Variants in SMARCA4 observed in about 807,000 individuals in gnomAD.
SMARCA4 encodes SWI/SNF-related matrix-associated actin-dependent regulator of chromatin subfamily A member 4.
A neutral mutation model predicts 193.9 loss-of-function variants in SMARCA4; 31 were observed. The observed-to-expected ratio is 0.16, with a 90% CI of 0.12 to 0.22. SMARCA4 has a LOEUF of 0.22. SMARCA4 is among the 10% of genes least tolerant of loss of function. SMARCA4 has a pLI of 1.00. For missense variants in SMARCA4, 1,148 were observed against 2,296.0 expected (o/e 0.50, Z 10.22); for synonymous variants, 942 against 933.1 (o/e 1.01, Z -0.17).
Position 10,987,561 on chromosome 19 carries a change from G to T in SMARCA4, c.860-105G>T. 7.5e-7 allele frequency: 1 copy of T among 1,337,388 alleles called. No individual in the cohort carries two copies. Among genetic ancestry groups the T allele is most frequent in the Non-Finnish European group, 1.1e-6 (1 of 936,902 alleles). The allele number at this position is 1,337,388 out of a possible 1,614,324, so 82.8% of individuals were successfully genotyped here. A position where few individuals can be genotyped will look rare whatever the true frequency, so the allele number is the denominator to read the frequency against. On this transcript the variant is annotated intron_variant, in intron 5 of 34. Transcript: ENST00000344626. The surrounding 1 kb of genome is among the most constrained non-coding windows in gnomAD (Gnocchi z 5.3). ...GGGTGAAAGGTGGGAGATGGGCGGGGTCTGCCTGTCCCCAGTGCCTCAAGC... is the reference window on the plus strand; with the variant it reads ...GGGTGAAAGGTGGGAGATGGGCGGGTTCTGCCTGTCCCCAGTGCCTCAAGC...
At chr19:11,054,780 G>C (rs538762856) in intron 30 of SMARCA4, among the ~76,000 whole-genome samples, 33 of 152,274 alleles carry the variant, frequency 2.2e-4, no homozygotes, top group African/African-American at 6.5e-4. Flanking sequence ...TGTTAAGTCA[G>C]CTATTAAGAG....
intron 30 of SMARCA4, among the ~76,000 whole-genome samples, chr19:11,048,615 A>G (rs749395953): frequency 3.3e-5 from 5 of 152,288 alleles, no homozygotes; most frequent in South Asian, 2.1e-4. Context: ...TGGGAGCCAC[A>G]TGGTCCGTCT....
In SMARCA4 at chr19:11,052,585, A is replaced by C. The variant is rs79132072; in HGVS notation, c.4425-5670A>C. 2.1e-3 allele frequency among the ~76,000 whole-genome samples: 314 copies of C among 152,240 alleles called. 4 individuals are homozygous for C. The highest frequency in any genetic ancestry group is 7.2e-3 in the African/African-American group (300 of 41,544). ...GGGCGCCCCTGCCTGCTCACTTCCC[A>C]ATGTCGGGATCCTGTGATTTCTGCC... On this transcript the variant is annotated intron_variant, in intron 30 of 34. Coordinates refer to ENST00000344626, the MANE Select transcript of SMARCA4 (RefSeq NM_003072.5).
Position 11,041,597 on chromosome 19 carries a change from G to T in SMARCA4, c.4424+37G>T, listed in dbSNP as rs769396974. 1.6e-5 allele frequency: 26 copies of T among 1,598,582 alleles called. No homozygotes were observed. Among genetic ancestry groups the T allele is most frequent in the Non-Finnish European group, 2.0e-5 (24 of 1,171,310 alleles). ...GGCGGGGAGGGCGGGGGCTGTAGGG[G>T]TCCCCGTGGGAGCAGGCCTGGCATC... On this transcript the variant is annotated intron_variant, in intron 30 of 34. Transcript: ENST00000344626. This position sits in a 1 kb window ranked among gnomAD's most constrained non-coding sequence, Gnocchi z 5.6.
chr19:11,054,159 C>T (rs1202389685), intron 30 of SMARCA4, among the ~76,000 whole-genome samples: 1 of 152,206 alleles, frequency 6.6e-6, no homozygotes, highest in Non-Finnish European at 1.5e-5. Context: ...GAGCATTTCC[C>T]CACCCTGTGA....
At chr19:11,027,682 G>GC in intron 23 of SMARCA4, 102 bp from the exon 24 acceptor site, 1 of 1,290,106 alleles carries the variant, frequency 7.8e-7, no homozygotes, top group East Asian at 2.3e-5. Context: ...CTTGAACCCG[G>GC]CGCCTGGCCT....
intron 33 of SMARCA4, 75 bp downstream of exon 33, chr19:11,059,960 C>G (rs1381914698): frequency 6.2e-7 from 1 of 1,613,006 alleles, no homozygotes; most frequent in Non-Finnish European, 8.5e-7. Context: ...CTTTTCACAG[C>G]CCTCCCGGCT....
chr19:10,976,699 A>G (rs1190001483), intron 1 of SMARCA4, among the ~76,000 whole-genome samples: 1 of 148,186 alleles, frequency 6.7e-6, no homozygotes, highest in African/African-American at 2.5e-5. Context: ...CAAGGCTGTG[A>G]GCTGTGATGG....
At chr19:11,008,420 C>G in intron 14 of SMARCA4, 3 of 349,748 alleles carry the variant, frequency 8.6e-6, no homozygotes, top group South Asian at 6.5e-5. Flanking sequence ...ATACATATCT[C>G]CAGTGTACAT....
chr19:11,002,154 A>G (rs979439704), intron 11 of SMARCA4, among the ~76,000 whole-genome samples: 1 of 152,228 alleles, frequency 6.6e-6, no homozygotes, highest in African/African-American at 2.4e-5. Flanking sequence ...CTGTGAAGAG[A>G]AAAACTTAGG....
chr19:11,023,704 C>T, intron 20 of SMARCA4, 73 bp downstream of exon 20: 1 of 910,824 alleles, frequency 1.1e-6, no homozygotes, highest in East Asian at 2.6e-5. Flanking sequence ...TGGGCGTGCT[C>T]AGGGCCTCTC....
At chr19:11,015,660 C>T (rs1252991893) in intron 16 of SMARCA4, among the ~76,000 whole-genome samples, 1 of 152,174 alleles carries the variant, frequency 6.6e-6, no homozygotes, top group Admixed American at 6.5e-5. Context: ...TTCAGCATCT[C>T]TTCTACTCCA....
At position 11,031,015 on chromosome 19, in the gene SMARCA4, G is replaced by A. The variant is rs1173780427; in HGVS notation, c.3546+122G>A. 16 of 908,372 alleles carry A rather than the reference G, an allele frequency of 1.8e-5. No individual in the cohort carries two copies. The highest frequency in any genetic ancestry group is 6.0e-5 in the Admixed American group (3 of 50,228). 56.3% of individuals were successfully genotyped at this position (908,372 alleles called of 1,614,324 possible). Reference sequence around the variant, plus strand: ...CACATTGTCTTGGACCCCAGGAGCCGGGAGGAGCTGCACCCATATCTCCAT... The same window carrying A: ...CACATTGTCTTGGACCCCAGGAGCCAGGAGGAGCTGCACCCATATCTCCAT... On this transcript the variant is annotated intron_variant, in intron 25 of 34. Transcript: ENST00000344626. This position sits in a 1 kb window ranked among gnomAD's most constrained non-coding sequence, Gnocchi z 4.3.
chr19:11,062,057 G>A lies in SMARCA4; in HGVS notation c.*241G>A, dbSNP rs995004661. On this transcript the variant is annotated 3_prime_UTR_variant, in exon 35 of 35. Transcript: ENST00000344626. ...CTTAAAGAGAGAGAGAGAGAATTCC[G>A]AATTGGGGAACACACGATACCTGTT... The A allele has an allele frequency of 1.5e-5, 9 of 582,150 alleles. No homozygotes were observed. Among genetic ancestry groups the A allele is most frequent in the Admixed American group, 2.9e-5 (1 of 34,186 alleles). The allele number at this position is 582,150 out of a possible 1,614,324, so 36.1% of individuals were successfully genotyped here.
chr19:10,965,970 G>GTTTTTTTT, intron 1 of SMARCA4, among the ~76,000 whole-genome samples: 1 of 78,982 alleles, frequency 1.3e-5, no homozygotes, highest in Non-Finnish European at 2.4e-5. Context: ...TAGTGGCATG[G>GTTTTTTTT]TTTTTTTTTT....
chr19:11,007,003 C>T (rs1055774560), intron 13 of SMARCA4, among the ~76,000 whole-genome samples: 2 of 152,084 alleles, frequency 1.3e-5, no homozygotes, highest in African/African-American at 4.8e-5. Context: ...GGGAGGATCG[C>T]TTAAGTCCAG....
intron 13 of SMARCA4, among the ~76,000 whole-genome samples, chr19:11,006,737 T>C (rs943250296): frequency 1.3e-5 from 2 of 152,088 alleles, no homozygotes; most frequent in Non-Finnish European, 2.9e-5. Flanking sequence ...AGGAGAGATA[T>C]GGAGTCTACT....
intron 11 of SMARCA4, among the ~76,000 whole-genome samples, chr19:11,001,154 A>G (rs1298615297): frequency 6.6e-6 from 1 of 152,066 alleles, no homozygotes; most frequent in African/African-American, 2.4e-5. Flanking sequence ...TCCTGGGCTC[A>G]AGTGATCCTC....
chr19:11,036,417 G>A (rs780622336), intron 29 of SMARCA4, among the ~76,000 whole-genome samples: 2 of 152,022 alleles, frequency 1.3e-5, no homozygotes, highest in African/African-American at 2.4e-5. Context: ...ACACCAACAC[G>A]CCTGGCTAAT....
Sources: gnomAD v4.1 joint callset for allele counts (sites outside exome capture counted in the v4.1 genomes callset) on GRCh38, gnomAD v4.1.1 for gene constraint, Gnocchi (gnomAD v3.1) non-coding constraint, MANE v1.5 for transcripts, NCBI Gene and HGNC (gene_info 2026-07-23, HGNC 2026-07-21) for gene names.